Variants in NALCN observed in about 807,000 individuals in gnomAD.
The protein encoded by NALCN is sodium leak channel NALCN.
NALCN carries 111 observed loss-of-function variants against 225.3 expected under a neutral mutation model. That is an observed-to-expected ratio of 0.49 (90% confidence interval 0.42 to 0.58). NALCN has a LOEUF of 0.58. Ranked by LOEUF, NALCN falls within the 20% of genes least tolerant of loss-of-function variation. The pLI, the probability that NALCN is intolerant of heterozygous loss-of-function variation, is 0.00. For missense variants in NALCN, 1,378 were observed against 2,202.4 expected (o/e 0.63, Z 7.49); for synonymous variants, 764 against 769.0 (o/e 0.99, Z 0.11).
intron 11 of NALCN, among the ~76,000 whole-genome samples, chr13:101,254,268 G>A (rs1425413239): frequency 2.0e-5 from 3 of 147,778 alleles, no homozygotes; most frequent in Non-Finnish European, 4.5e-5. Flanking sequence ...AGCTTCTTGG[G>A]ATGCTAAGGC....
intron 10 of NALCN, among the ~76,000 whole-genome samples, chr13:101,277,483 C>A (rs770749799): frequency 2.6e-5 from 4 of 151,808 alleles, no homozygotes; most frequent in Non-Finnish European, 4.4e-5. Flanking sequence ...TCATTTATTC[C>A]GTGAGTCACC....
At chr13:101,295,097 C>G (rs778001248) in intron 7 of NALCN, among the ~76,000 whole-genome samples, 2 of 152,050 alleles carry the variant, frequency 1.3e-5, no homozygotes. Context: ...TTCATAGGCT[C>G]TCCACAGTAA....
intron 13 of NALCN, among the ~76,000 whole-genome samples, chr13:101,204,088 G>T (rs192539397): frequency 6.6e-6 from 1 of 152,278 alleles, no homozygotes; most frequent in Admixed American, 6.5e-5. Flanking sequence ...TTAATTATGA[G>T]TGACTTTTAA....
At position 101,094,438 on chromosome 13, in the gene NALCN, T is replaced by A. The variant is rs559922380; in HGVS notation, c.3269+1136A>T. Among the ~76,000 whole-genome samples the A allele has an allele frequency of 2.0e-5, 3 of 152,302 alleles. No individual in the cohort carries two copies. In the East Asian group the frequency reaches 5.8e-4, roughly 29 times the overall value. Reference sequence around the variant, plus strand: ...CTATTCCTGACTACATTTACTTCCATGATATTATCTTTGAATTAATAAAAA... The same window carrying A: ...CTATTCCTGACTACATTTACTTCCAAGATATTATCTTTGAATTAATAAAAA... On this transcript the variant is annotated intron_variant, in intron 28 of 43. Coordinates refer to ENST00000251127, the MANE Select transcript of NALCN (RefSeq NM_052867.4).
At chr13:101,336,665 TAAAGA>T (rs1280712024) in intron 7 of NALCN, among the ~76,000 whole-genome samples, 1 of 152,198 alleles carries the variant, frequency 6.6e-6, no homozygotes, top group Non-Finnish European at 1.5e-5. Context: ...AATTTTTTCG[TAAAGA>T]AAACTAATAA....
At chr13:101,085,545 G>T (rs373865962) in intron 30 of NALCN, among the ~76,000 whole-genome samples, 1 of 152,024 alleles carries the variant, frequency 6.6e-6, no homozygotes, top group Non-Finnish European at 1.5e-5. Flanking sequence ...TAGAAGAGAG[G>T]ATTATGAATG....
intron 9 of NALCN, among the ~76,000 whole-genome samples, chr13:101,290,046 G>T (rs942468890): frequency 2.6e-5 from 4 of 152,094 alleles, no homozygotes; most frequent in African/African-American, 9.7e-5. Context: ...CTTAATGAAG[G>T]TTTTTCACAA....
At chr13:101,343,785 T>A (rs930349121) in intron 7 of NALCN, among the ~76,000 whole-genome samples, 1 of 152,218 alleles carries the variant, frequency 6.6e-6, no homozygotes, top group African/African-American at 2.4e-5. Flanking sequence ...CTACCCTATA[T>A]TAAGCAAAGC....
At chr13:101,070,472 C>G (rs1188288310) in intron 37 of NALCN, among the ~76,000 whole-genome samples, 2 of 152,176 alleles carry the variant, frequency 1.3e-5, no homozygotes. Context: ...AGCTATTAGC[C>G]TTATGAAATC....
At chr13:101,125,089 G>A (rs1333313437) in intron 17 of NALCN, among the ~76,000 whole-genome samples, 1 of 152,156 alleles carries the variant, frequency 6.6e-6, no homozygotes, top group Non-Finnish European at 1.5e-5. Flanking sequence ...TTTAGGAGTT[G>A]TTTTGCTTGC....
intron 6 of NALCN, among the ~76,000 whole-genome samples, chr13:101,348,207 G>T (rs957391267): frequency 6.6e-6 from 1 of 152,152 alleles, no homozygotes; most frequent in African/African-American, 2.4e-5. Flanking sequence ...AGAAGAAATT[G>T]GACTTTGGAG....
chr13:101,152,142 T>C (rs1014499954), intron 15 of NALCN, among the ~76,000 whole-genome samples: 5 of 152,216 alleles, frequency 3.3e-5, no homozygotes, highest in African/African-American at 1.2e-4. Context: ...AAGCCACAGA[T>C]AGAAATTGGA....
intron 11 of NALCN, among the ~76,000 whole-genome samples, chr13:101,240,470 TATTA>T (rs1343547608): frequency 6.6e-6 from 1 of 152,050 alleles, no homozygotes; most frequent in East Asian, 1.9e-4. Context: ...TAGATTCTTC[TATTA>T]ATTCTAATAT....
intron 11 of NALCN, among the ~76,000 whole-genome samples, chr13:101,246,790 G>A (rs1415391014): frequency 1.3e-5 from 2 of 152,162 alleles, no homozygotes; most frequent in Non-Finnish European, 2.9e-5. Context: ...GAACTCAAAC[G>A]TGGGTGTCAG....
At chr13:101,302,704 A>C (rs1233118497) in intron 7 of NALCN, among the ~76,000 whole-genome samples, 1 of 152,160 alleles carries the variant, frequency 6.6e-6, no homozygotes, top group Middle Eastern at 3.2e-3. Flanking sequence ...CTGAATAGAA[A>C]ATGTTAACTA....
chr13:101,064,014 C>T (rs7329632), intron 40 of NALCN, among the ~76,000 whole-genome samples: 2,136 of 152,262 alleles, frequency 0.014, 53 homozygotes, highest in African/African-American at 0.049. Flanking sequence ...TACTTTAAAA[C>T]GGCAGTGATA....
chr13:101,410,002 G>A (rs1157300714), intron 1 of NALCN, among the ~76,000 whole-genome samples: 1 of 152,162 alleles, frequency 6.6e-6, no homozygotes, highest in Non-Finnish European at 1.5e-5. Flanking sequence ...GAATCTATAA[G>A]AAGAACGGAG....
intron 28 of NALCN, among the ~76,000 whole-genome samples, chr13:101,094,255 C>G (rs1052009238): frequency 1.3e-5 from 2 of 152,170 alleles, no homozygotes; most frequent in Non-Finnish European, 2.9e-5. Flanking sequence ...TAACCCTGCT[C>G]TCCAGATGGT....
Position 101,124,601 on chromosome 13 carries a change from G to C in NALCN, c.2192+7C>G, listed in dbSNP as rs774377861. On this transcript the variant is annotated splice_region_variant and intron_variant, in intron 18 of 43. Transcript: ENST00000251127. ...TTTAAATATGTGTCAACATTAATTG[G>C]TGTTACCTTAAGATTTTAGTGACTG... 1.2e-6 allele frequency: 2 copies of C among 1,610,924 alleles called. No homozygotes were observed. The highest frequency in any genetic ancestry group is 2.7e-5 in the African/African-American group (2 of 74,778).
Sources: allele counts gnomAD v4.1 joint callset (sites outside exome capture counted in the v4.1 genomes callset), GRCh38; gene constraint gnomAD v4.1.1; transcripts MANE v1.5; gene names NCBI Gene and HGNC (gene_info 2026-07-23, HGNC 2026-07-21).